Variants in GLB1 observed in about 807,000 individuals in gnomAD.
GLB1 encodes beta-galactosidase.
Under a neutral mutation model 74.0 loss-of-function variants are expected in GLB1, and 56 were observed. The ratio of observed to expected loss-of-function variants is 0.76; its 90% CI spans 0.61 to 0.94. The LOEUF is 0.94. Ranked by LOEUF, GLB1 falls within the 40% of genes least tolerant of loss-of-function variation. The pLI, the probability that GLB1 is intolerant of heterozygous loss-of-function variation, is 0.00. For missense variants in GLB1, 787 were observed against 845.5 expected, an observed-to-expected ratio of 0.93 and a Z score of 0.86; for synonymous variants, 323 against 323.6, an observed-to-expected ratio of 1.00 and a Z score of 0.02.
At chr3:33,024,947 CTTT>C (rs34388197) in intron 10 of GLB1, among the ~76,000 whole-genome samples, 6 of 144,228 alleles carry the variant, frequency 4.2e-5, no homozygotes, top group Non-Finnish European at 3.0e-5. Flanking sequence ...TACAAATCCT[CTTT>C]TTTTTTTTTT....
chr3:32,964,151 T>C, the GLB1 span, among the ~76,000 whole-genome samples: 1 of 152,206 alleles, frequency 6.6e-6, no homozygotes, highest in African/African-American at 2.4e-5. Context: ...CAGACTATCA[T>C]TGGAGGCGAG....
intron 10 of GLB1, chr3:33,045,659 T>G (rs1168953400): frequency 2.0e-6 from 2 of 1,008,182 alleles, no homozygotes; most frequent in Non-Finnish European, 2.4e-6. Context: ...TGAAGTACAT[T>G]AGCTGTGTCT....
Position 33,053,432 on chromosome 3 carries a change from C to T in GLB1, c.792+59G>A, listed in dbSNP as rs1386746972. On this transcript the variant is annotated intron_variant, in intron 7 of 15. Coordinates refer to ENST00000307363, the MANE Select transcript of GLB1 (RefSeq NM_000404.4). The stretch of plus-strand genomic sequence containing the variant: ...TCAAGGGCCTACTGCCCAGTTTCAG[C>T]AGCATGTAACTTTTCTCTCTTAACA... 15 of 1,613,130 alleles carry T rather than the reference C, an allele frequency of 9.3e-6. No homozygotes were observed. The East Asian group carries it at 1.8e-4, about 19-fold the overall frequency.
intron 1 of GLB1, among the ~76,000 whole-genome samples, chr3:33,087,027 A>G (rs1235241789): frequency 1.3e-5 from 2 of 152,038 alleles, no homozygotes; most frequent in Admixed American, 1.3e-4. Context: ...AACAAAATTG[A>G]GAAACTTAAC....
chr3:33,021,525 G>C (rs766125799), intron 12 of GLB1, 41 bp downstream of exon 12: 1 of 1,599,036 alleles, frequency 6.3e-7, no homozygotes, highest in African/African-American at 1.3e-5. Context: ...GCACACTTTT[G>C]CAAGTAGAAA....
chr3:33,059,043 G>A (rs1347083005), intron 5 of GLB1, among the ~76,000 whole-genome samples: 2 of 152,222 alleles, frequency 1.3e-5, no homozygotes, highest in African/African-American at 4.8e-5. Context: ...AGTGGGTAGA[G>A]GCCCAGGGAT....
At chr3:33,068,106 C>G in intron 4 of GLB1, 124 bp downstream of exon 4, 1 of 1,412,906 alleles carries the variant, frequency 7.1e-7, no homozygotes, top group South Asian at 1.2e-5. Flanking sequence ...AGCCTGGTCT[C>G]GAACTCCCAA....
chr3:33,043,809 G>GAAAAATACCAAGCAAAA (rs1698624612), intron 10 of GLB1, among the ~76,000 whole-genome samples: 1 of 27,606 alleles, frequency 3.6e-5, no homozygotes, highest in Admixed American at 5.7e-4. Context: ...AAAGTATGCA[G>GAAAAATACCAAGCAAAA]GTAAATGGTG....
At position 33,058,242 on chromosome 3, in the gene GLB1, C is replaced by T; in HGVS notation, c.580G>A (p.Ala194Thr). 6.2e-7 allele frequency: 1 copy of T among 1,613,976 alleles called. No homozygotes were observed. The highest frequency in any genetic ancestry group is 8.5e-7 in the Non-Finnish European group (1 of 1,180,010). Residue 194 changes from alanine (A) to threonine (T), a missense_variant, in exon 6 of 16, where the codon GCC (alanine) becomes ACC (threonine). Coordinates refer to ENST00000307363, the MANE Select transcript of GLB1 (RefSeq NM_000404.4). ...QVENEYGSYFACDFDYLRFLQ... is the reference protein window; with the variant it reads ...QVENEYGSYFTCDFDYLRFLQ... ...AAGCGCAGGTAGTCAAAATCACAGGCAAAGTAGCTGCCATATTCATTTTCA... is the reference window on the plus strand; with the variant it reads ...AAGCGCAGGTAGTCAAAATCACAGGTAAAGTAGCTGCCATATTCATTTTCA...
chr3:33,018,267 C>A (rs139920543), intron 13 of GLB1, among the ~76,000 whole-genome samples, 181 bp downstream of exon 13: 1 of 110,718 alleles, frequency 9.0e-6, no homozygotes, highest in Non-Finnish European at 1.7e-5. Flanking sequence ...GGCTGGGCAA[C>A]AGAGCAAAAC....
At position 33,052,146 on chromosome 3, in the gene GLB1, G is replaced by A. The variant is rs373913204; in HGVS notation, c.793-142C>T. 28 of 1,424,114 alleles carry A rather than the reference G, an allele frequency of 2.0e-5. No homozygotes were observed. The East Asian group carries it at 6.0e-4, about 30-fold the overall frequency. The allele number at this position is 1,424,114 out of a possible 1,614,324, so 88.2% of individuals were successfully genotyped here. Reference sequence around the variant, plus strand: ...CTGCTTAACCCAGAGACGCCCCCCAGTGAGCACTTCCAATACCAGCAATGC... The same window carrying A: ...CTGCTTAACCCAGAGACGCCCCCCAATGAGCACTTCCAATACCAGCAATGC... On this transcript the variant is annotated intron_variant, in intron 7 of 15. Coordinates refer to ENST00000307363, the MANE Select transcript of GLB1 (RefSeq NM_000404.4).
chr3:33,006,458 C>G (rs1696795206), intron 15 of GLB1, among the ~76,000 whole-genome samples: 1 of 152,158 alleles, frequency 6.6e-6, no homozygotes, highest in African/African-American at 2.4e-5. Context: ...GAAACAGTGT[C>G]TTCCACGAAA....
In GLB1 at chr3:33,092,999, G is replaced by C. The variant is rs181761509; in HGVS notation, c.75+4012C>G. 1.1e-5 allele frequency: 18 copies of C among 1,614,266 alleles called. No individual in the cohort carries two copies. In the East Asian group the frequency reaches 3.8e-4, roughly 34 times the overall value. ...TCAGGAGATAGGCTGCTACGTTCAAGGGGAAGATCTGCCCAGCATGTGTGT... is the reference window on the plus strand; with the variant it reads ...TCAGGAGATAGGCTGCTACGTTCAACGGGAAGATCTGCCCAGCATGTGTGT... On this transcript the variant is annotated intron_variant, in intron 1 of 15. Coordinates refer to ENST00000307363, the MANE Select transcript of GLB1 (RefSeq NM_000404.4).
chr3:32,998,934 G>A (rs1230736608), intron 15 of GLB1, among the ~76,000 whole-genome samples: 2 of 152,132 alleles, frequency 1.3e-5, no homozygotes, highest in Admixed American at 6.5e-5. Context: ...ACCTGAGTTC[G>A]TATCTGTGTC....
rs74458370 is a variant in GLB1, at chr3:33,005,421, A to G, written c.1735-8077T>C. 7.6e-4 allele frequency among the ~76,000 whole-genome samples: 116 copies of G among 152,314 alleles called. 2 individuals carry two copies. In the East Asian group the frequency reaches 0.02, roughly 27 times the overall value. On this transcript the variant is annotated intron_variant, in intron 15 of 15. Transcript: ENST00000307363. ...ATAATTTCTTCCTCTCCAAGGCCCA[A>G]CTGCATGGTTTACATATCTCTTACA...
rs775440094 is a variant in GLB1 at position 33,096,969 on chromosome 3, C to T, written c.75+42G>A. ...CCAGCCCGGTTCCCCGCCAGCCTGTCCCCTAGCAATGCCTCCCCGTACCCG... is the reference window on the plus strand; with the variant it reads ...CCAGCCCGGTTCCCCGCCAGCCTGTTCCCTAGCAATGCCTCCCCGTACCCG... On this transcript the variant is annotated intron_variant, in intron 1 of 15. Transcript: ENST00000307363. 4 of 1,604,036 alleles carry T rather than the reference C, an allele frequency of 2.5e-6. No homozygotes were observed. In the Admixed American group the frequency reaches 5.1e-5, roughly 21 times the overall value.
At chr3:32,965,039 T>C in the GLB1 span, among the ~76,000 whole-genome samples, 1 of 152,184 alleles carries the variant, frequency 6.6e-6, no homozygotes, top group Non-Finnish European at 1.5e-5. Context: ...TCCCTAGCCA[T>C]GTGGAACTGA....
intron 1 of GLB1, among the ~76,000 whole-genome samples, chr3:33,083,167 G>A (rs1700381986): frequency 6.6e-6 from 1 of 152,150 alleles, no homozygotes; most frequent in Admixed American, 6.5e-5. Flanking sequence ...GGAGGCCGAG[G>A]CAGGTGGATC....
chr3:33,091,855 A>T, intron 1 of GLB1: 1 of 985,406 alleles, frequency 1.0e-6, no homozygotes, highest in Non-Finnish European at 1.2e-6. Context: ...CTTTTCTAAC[A>T]CGGGTGCTTA....
Sources: gnomAD v4.1 joint callset for allele counts (sites outside exome capture counted in the v4.1 genomes callset) on GRCh38, gnomAD v4.1.1 for gene constraint, MANE v1.5 for transcripts, NCBI Gene and HGNC (gene_info 2026-07-23, HGNC 2026-07-21) for gene names.